The following PCDH11X variants were observed in gnomAD, a reference collection of about 807,000 sequenced individuals.
The protein encoded by PCDH11X is protocadherin 11 X-linked, also known as protocadherin-11 X-linked.
PCDH11X carries 18 observed loss-of-function variants against 53.3 expected under a neutral mutation model. The observed-to-expected ratio is 0.34, with a 90% CI of 0.23 to 0.50. PCDH11X has a LOEUF of 0.50. Ranked by LOEUF, PCDH11X falls within the 20% of genes least tolerant of loss-of-function variation. The pLI, the probability that PCDH11X is intolerant of heterozygous loss-of-function variation, is 0.98. For missense variants in PCDH11X, 570 were observed against 1,032.4 expected (o/e 0.55, Z 6.14); for synonymous variants, 279 against 393.3 (o/e 0.71, Z 3.44).
At chrX:92,412,165 AG>A (rs2071690587) in intron 9 of PCDH11X, among the ~76,000 whole-genome samples, 2 of 96,178 alleles carry the variant, frequency 2.1e-5, no homozygotes, top group African/African-American at 4.3e-5. Flanking sequence ...GAGGAGGAGG[AG>A]GAAAAGGGAG....
intron 6 of PCDH11X, among the ~76,000 whole-genome samples, chrX:92,066,749 T>A (rs1328994268): frequency 1.8e-5 from 2 of 112,293 alleles, no homozygotes; most frequent in Admixed American, 9.4e-5. Flanking sequence ...CGTCTTTCGG[T>A]TTTTCCAACA....
At chrX:91,806,303 G>T (rs1471799613) in intron 1 of PCDH11X, among the ~76,000 whole-genome samples, 1 of 113,730 alleles carries the variant, frequency 8.8e-6, no homozygotes, top group African/African-American at 3.2e-5. Context: ...AGAAAATGTT[G>T]TTTCTTTAAA....
chrX:92,563,330 CA>C (rs1163877692), intron 10 of PCDH11X, among the ~76,000 whole-genome samples: 3 of 108,918 alleles, frequency 2.8e-5, no homozygotes, highest in African/African-American at 6.7e-5. Flanking sequence ...CACTCTCTAT[CA>C]GGGGGATGGC....
chrX:92,085,869 T>C, intron 6 of PCDH11X, among the ~76,000 whole-genome samples: 1 of 111,613 alleles, frequency 9.0e-6, no homozygotes, highest in African/African-American at 3.3e-5. Context: ...AGTAGCTATG[T>C]GTGACTTTAA....
chrX:92,452,463 GTATATATATATATATATA>G (rs763381982), intron 9 of PCDH11X, among the ~76,000 whole-genome samples: 4 of 44,715 alleles, frequency 8.9e-5, no homozygotes, highest in South Asian at 1.7e-3. Context: ...GTGTGTGTGT[GTATATATATATATATATA>G]TATATATATA....
chrX:92,397,390 C>T (rs1193709303), intron 9 of PCDH11X, among the ~76,000 whole-genome samples: 1 of 108,660 alleles, frequency 9.2e-6, no homozygotes, highest in Non-Finnish European at 1.9e-5. Flanking sequence ...TTCCATTTAA[C>T]TGTATTCTGT....
intron 8 of PCDH11X, among the ~76,000 whole-genome samples, chrX:92,277,651 G>A (rs2068133329): frequency 9.2e-6 from 1 of 108,326 alleles, no homozygotes; most frequent in African/African-American, 3.4e-5. Context: ...AAGGGATGGG[G>A]CACAGAAATA....
chrX:91,907,409 A>C (rs866425019), intron 6 of PCDH11X, among the ~76,000 whole-genome samples: 17 of 67,621 alleles, frequency 2.5e-4, no homozygotes, highest in East Asian at 1.1e-3. Context: ...ACACACACAC[A>C]CACAGAGAGA....
chrX:91,991,445 G>T (rs1230539009), intron 6 of PCDH11X, among the ~76,000 whole-genome samples: 1 of 90,676 alleles, frequency 1.1e-5, no homozygotes, highest in East Asian at 3.5e-4. Context: ...GAAAACCCAG[G>T]GAGTTCACCA....
At chrX:91,999,359 C>T (rs368199241) in intron 6 of PCDH11X, among the ~76,000 whole-genome samples, 4 of 110,599 alleles carry the variant, frequency 3.6e-5, no homozygotes, top group Non-Finnish European at 1.9e-5. Flanking sequence ...TGGGTTATTC[C>T]CTGCCTAGAC....
intron 9 of PCDH11X, among the ~76,000 whole-genome samples, chrX:92,446,990 A>T (rs749237373): frequency 5.4e-5 from 6 of 110,731 alleles, no homozygotes; most frequent in African/African-American, 1.6e-4. Context: ...GACTGGTAGC[A>T]TTTTGCCCCT....
intron 6 of PCDH11X, among the ~76,000 whole-genome samples, chrX:91,997,165 AAC>A (rs1316765721): frequency 2.7e-5 from 3 of 111,561 alleles, no homozygotes; most frequent in African/African-American, 9.8e-5. Context: ...GTCACCTGCA[AAC>A]ACAGAAAATT....
At chrX:91,828,915 T>C (rs1569400196) in intron 4 of PCDH11X, among the ~76,000 whole-genome samples, 1 of 110,993 alleles carries the variant, frequency 9.0e-6, no homozygotes, top group East Asian at 2.8e-4. Context: ...AACTTGGATC[T>C]TGTTTTTAGC....
chrX:92,154,267 C>T (rs1454159378), intron 6 of PCDH11X, among the ~76,000 whole-genome samples: 1 of 110,891 alleles, frequency 9.0e-6, no homozygotes, highest in Non-Finnish European at 1.9e-5. Context: ...TAAGATACTT[C>T]AGGATAAGAT....
At chrX:92,450,913 T>C (rs1185604685) in intron 9 of PCDH11X, among the ~76,000 whole-genome samples, 4 of 111,391 alleles carry the variant, frequency 3.6e-5, no homozygotes, top group African/African-American at 1.3e-4. Flanking sequence ...CTAGCTGAGG[T>C]GAGGACATAA....
chrX:92,232,245 G>A (rs1263540705), intron 7 of PCDH11X, among the ~76,000 whole-genome samples: 2 of 111,028 alleles, frequency 1.8e-5, no homozygotes, highest in African/African-American at 6.6e-5. Context: ...CTGTGTTCAG[G>A]TCTCCTCAAA....
chrX:92,105,234 G>T (rs2064351882), intron 6 of PCDH11X, among the ~76,000 whole-genome samples: 1 of 111,452 alleles, frequency 9.0e-6, no homozygotes, highest in South Asian at 3.8e-4. Context: ...ATTGAAAGGA[G>T]AAAGAGGTTG....
chrX:92,316,363 T>C (rs958242696), intron 8 of PCDH11X, among the ~76,000 whole-genome samples: 8 of 110,586 alleles, frequency 7.2e-5, no homozygotes, highest in Non-Finnish European at 1.5e-4. Context: ...AACAGACCAG[T>C]GAATGCTGCA....
intron 10 of PCDH11X, among the ~76,000 whole-genome samples, chrX:92,508,229 T>G (rs1054441027): frequency 1.8e-5 from 2 of 110,553 alleles, no homozygotes; most frequent in South Asian, 7.7e-4. Flanking sequence ...TTTTGTTGTT[T>G]TTTTTGTTTT....
Sources: gnomAD v4.1 joint callset for allele counts (sites outside exome capture counted in the v4.1 genomes callset) on GRCh38, gnomAD v4.1.1 for gene constraint, MANE v1.5 for transcripts, NCBI Gene and HGNC (gene_info 2026-07-23, HGNC 2026-07-21) for gene names.